The following FBXO9 variants were observed in gnomAD, a reference collection of about 807,000 sequenced individuals.
The protein encoded by FBXO9 is F-box only protein 9.
In FBXO9, 43 loss-of-function variants were observed where a neutral mutation model predicts 63.7. The ratio of observed to expected loss-of-function variants is 0.67; its 90% CI spans 0.53 to 0.87. The LOEUF is 0.87. Among genes scored for constraint, FBXO9 ranks in the 40% least tolerant of loss-of-function variants. The pLI, the probability that FBXO9 is intolerant of heterozygous loss-of-function variation, is 0.00. For synonymous variants in FBXO9, 156 were observed against 171.7 expected, an observed-to-expected ratio of 0.91 and a Z score of 0.72; for missense variants, 442 against 533.2, an observed-to-expected ratio of 0.83 and a Z score of 1.68.
chr6:53,065,717 G>A lies in FBXO9; in HGVS notation c.-73G>A. 1 of 1,427,384 alleles carries A rather than the reference G, an allele frequency of 7.0e-7. No homozygotes were observed. The highest frequency in any genetic ancestry group is 9.2e-7 in the Non-Finnish European group (1 of 1,089,610). The allele number at this position is 1,427,384 out of a possible 1,614,324, so 88.4% of individuals were successfully genotyped here. ...GCAGGAGTAGACACCCGGACACCCA[G>A]CACCCCTCCTCCGGGGGGCGGTGCA... On this transcript the variant is annotated 5_prime_UTR_variant, in exon 1 of 13. Transcript: ENST00000323557.
chr6:53,083,032 T>C (rs961937266), intron 7 of FBXO9, among the ~76,000 whole-genome samples: 5 of 152,214 alleles, frequency 3.3e-5, no homozygotes, highest in Admixed American at 6.5e-5. Flanking sequence ...AAAATTTTGC[T>C]ATGTGTGGGA....
Position 53,076,639 on chromosome 6 carries a change from A to T in FBXO9, c.307+96A>T, listed in dbSNP as rs1200547999. 5 of 904,332 alleles carry T rather than the reference A, an allele frequency of 5.5e-6. No individual in the cohort carries two copies. The African/African-American group carries it at 7.1e-5, about 13-fold the overall frequency. The allele number at this position is 904,332 out of a possible 1,614,324, so 56.0% of individuals were successfully genotyped here. A position where few individuals can be genotyped will look rare whatever the true frequency, so the allele number is the denominator to read the frequency against. ...TTTTCTATAACTTATTTGGTATAGA[A>T]CATCACTTTTCTTAATACATTCTTC... On this transcript the variant is annotated intron_variant, in intron 4 of 12. Transcript: ENST00000323557.
chr6:53,095,321 G>C (rs1763176348), intron 11 of FBXO9, among the ~76,000 whole-genome samples, 192 bp from the exon 12 acceptor site: 1 of 152,048 alleles, frequency 6.6e-6, no homozygotes, highest in Non-Finnish European at 1.5e-5. Flanking sequence ...TGATGATGAT[G>C]GGGAAAAAAA....
intron 3 of FBXO9, among the ~76,000 whole-genome samples, chr6:53,074,186 TACTC>T (rs1451554482): frequency 4.0e-5 from 6 of 151,394 alleles, no homozygotes; most frequent in East Asian, 1.9e-4. Flanking sequence ...TTCTGGTACT[TACTC>T]ACACAGAGTA....
chr6:53,084,088 G>A (rs565214199), intron 7 of FBXO9, among the ~76,000 whole-genome samples: 8 of 152,276 alleles, frequency 5.3e-5, no homozygotes, highest in South Asian at 2.1e-4. Flanking sequence ...CTGGGCCAGC[G>A]TTATTGTTAG....
chr6:53,070,787 G>A (rs1251298531), intron 1 of FBXO9: 9 of 407,140 alleles, frequency 2.2e-5, no homozygotes, highest in Non-Finnish European at 3.5e-5. Context: ...GGATGCAACT[G>A]ATGTTAAATT....
At chr6:53,068,725 T>G (rs948206320) in intron 1 of FBXO9, among the ~76,000 whole-genome samples, 3 of 149,904 alleles carry the variant, frequency 2.0e-5, no homozygotes, top group African/African-American at 7.3e-5. Flanking sequence ...CAGTCTCGGC[T>G]CACTGCAACC....
chr6:53,071,729 A>G (rs1768924541), intron 2 of FBXO9, among the ~76,000 whole-genome samples: 1 of 152,222 alleles, frequency 6.6e-6, no homozygotes, highest in Non-Finnish European at 1.5e-5. Flanking sequence ...GAAAATGTAA[A>G]TTGGTACAGC....
intron 12 of FBXO9, among the ~76,000 whole-genome samples, chr6:53,096,737 T>G (rs2127500757): frequency 6.6e-6 from 1 of 152,252 alleles, no homozygotes; most frequent in African/African-American, 2.4e-5. Context: ...TGACCCCATC[T>G]CTACAAAAAA....
chr6:53,080,954 CT>C lies in FBXO9; in HGVS notation c.408-13del. 6.2e-7 allele frequency: 1 copy of C among 1,612,946 alleles called. No homozygotes were observed. Among genetic ancestry groups the C allele is most frequent in the Non-Finnish European group, 8.5e-7 (1 of 1,179,638 alleles). On this transcript the variant is annotated splice_polypyrimidine_tract_variant and intron_variant, in intron 5 of 12. Transcript: ENST00000323557. ...AGACTGAGGCACTTAATTTATTCAC[CT>C]CCCTTTTTTCAGCATTGAAGATAAT...
chr6:53,096,874 C>T (rs1237388140), intron 12 of FBXO9, among the ~76,000 whole-genome samples: 1 of 152,084 alleles, frequency 6.6e-6, no homozygotes. Flanking sequence ...CCACTGCACT[C>T]CAGCCTCGGT....
intron 7 of FBXO9, among the ~76,000 whole-genome samples, chr6:53,089,079 G>T (rs1349173087): frequency 4.3e-5 from 6 of 140,324 alleles, no homozygotes; most frequent in Admixed American, 1.4e-4. Context: ...GTTTGTTTTT[G>T]TTTTTTTTTT....
intron 7 of FBXO9, among the ~76,000 whole-genome samples, chr6:53,085,995 C>T (rs1256871252): frequency 6.6e-6 from 1 of 151,982 alleles, no homozygotes; most frequent in Non-Finnish European, 1.5e-5. Flanking sequence ...ACTAAAAATA[C>T]AAAATTAGCC....
In FBXO9 at chr6:53,065,707, C is replaced by T; in HGVS notation, c.-83C>T. The T allele has an allele frequency of 7.8e-6, 11 of 1,414,522 alleles. No individual in the cohort carries two copies. Among genetic ancestry groups the T allele is most frequent in the Non-Finnish European group, 8.3e-6 (9 of 1,078,822 alleles). The allele number at this position is 1,414,522 out of a possible 1,614,324, so 87.6% of individuals were successfully genotyped here. ...GCAGAGACAGGCAGGAGTAGACACCCGGACACCCAGCACCCCTCCTCCGGG... is the reference window on the plus strand; with the variant it reads ...GCAGAGACAGGCAGGAGTAGACACCTGGACACCCAGCACCCCTCCTCCGGG... On this transcript the variant is annotated 5_prime_UTR_variant, in exon 1 of 13. Coordinates refer to ENST00000323557, the MANE Select transcript of FBXO9 (RefSeq NM_033480.3).
At chr6:53,084,415 G>A (rs114067111) in intron 7 of FBXO9, among the ~76,000 whole-genome samples, 274 of 152,326 alleles carry the variant, frequency 1.8e-3, no homozygotes, top group African/African-American at 5.9e-3. Flanking sequence ...ACCAGCAGAA[G>A]CTATTGATTA....
In FBXO9 at chr6:53,093,964, AAG is replaced by A; in HGVS notation, c.1041_1042del (p.Lys349ArgfsTer6). 1 of 1,548,286 alleles carries A rather than the reference AAG, an allele frequency of 6.5e-7. No individual in the cohort carries two copies. The highest frequency in any genetic ancestry group is 2.4e-5 in the East Asian group (1 of 40,932). ...GACCAAAGTATTTGCTGTAATAACT[AAG>A]AAAAAAGAAGAAGTGAGTATACGAG... Reference protein sequence around the residue: ...NQTKVFAVITKKKEEKPLDYK... With the variant: ...NQTKVFAVITXKKEEKPLDYK... On this transcript the variant is annotated frameshift_variant, in exon 11 of 13. Transcript: ENST00000323557. LOFTEE classifies it high-confidence loss of function.
intron 9 of FBXO9, 119 bp from the exon 10 acceptor site, chr6:53,093,347 C>T (rs559788522): frequency 3.4e-6 from 2 of 595,674 alleles, no homozygotes; most frequent in African/African-American, 3.8e-5. Context: ...AGTTCTTTAG[C>T]CCGTGGTATT....
intron 1 of FBXO9, chr6:53,067,776 G>A (rs960367956): frequency 3.3e-5 from 5 of 152,112 alleles, no homozygotes; most frequent in African/African-American, 7.2e-5. Context: ...TACTAATGGT[G>A]TTCTTAGTAG....
chr6:53,081,065 C>T lies in FBXO9; in HGVS notation c.505C>T (p.Pro169Ser), dbSNP rs778381761. 1.5e-5 allele frequency: 24 copies of T among 1,612,680 alleles called. No individual in the cohort carries two copies. The highest frequency in any genetic ancestry group is 1.9e-5 in the Non-Finnish European group (23 of 1,179,848). ...FQESVLKLCQ[P>S]ELESSQIHIS... ...GGAGTCTGTGCTTAAACTGTGTCAGCCTGAGCTTGAGAGCAGTCAGATTCA... is the reference window on the plus strand; with the variant it reads ...GGAGTCTGTGCTTAAACTGTGTCAGTCTGAGCTTGAGAGCAGTCAGATTCA... The change falls in exon 6 of 13, where the codon CCT becomes TCT. Residue 169 changes from proline to serine, a missense_variant. By Grantham distance (74) the Pro-to-Ser change is moderately conservative. Coordinates refer to ENST00000323557, the MANE Select transcript of FBXO9 (RefSeq NM_033480.3).
Sources: allele counts gnomAD v4.1 joint callset (sites outside exome capture counted in the v4.1 genomes callset), GRCh38; gene constraint gnomAD v4.1.1; transcripts MANE v1.5; gene names NCBI Gene and HGNC (gene_info 2026-07-23, HGNC 2026-07-21).